The following SLC12A3 variants were observed in gnomAD, a reference collection of about 807,000 sequenced individuals.
SLC12A3 encodes the protein solute carrier family 12 member 3.
In SLC12A3, 104 loss-of-function variants were observed where a neutral mutation model predicts 121.0. The ratio of observed to expected loss-of-function variants is 0.86; its 90% confidence interval spans 0.73 to 1.01. The LOEUF (loss-of-function observed/expected upper bound fraction) is 1.01, where lower values mean the gene tolerates loss of function less well. Among genes scored for constraint, SLC12A3 ranks in the 50% least tolerant of loss-of-function variants. The pLI, the probability that SLC12A3 is intolerant of heterozygous loss-of-function variation, is 0.00. For synonymous variants in SLC12A3, 536 were observed against 533.4 expected (o/e 1.00, Z -0.07); for missense variants, 1,328 against 1,356.3 (o/e 0.98, Z 0.33).
intron 17 of SLC12A3, 127 bp from the exon 18 acceptor site, chr16:56,887,798 A>ATATATATATATATATATATATATT: frequency 1.5e-5 from 1 of 68,432 alleles, no homozygotes; most frequent in Non-Finnish European, 2.9e-5. Flanking sequence ...ATATATATAT[A>ATATATATATATATATATATATATT]TTTTTTTTTT....
At chr16:56,912,634 G>C (rs3794648) in intron 25 of SLC12A3, among the ~76,000 whole-genome samples, 88,423 of 152,112 alleles carry the variant, frequency 0.58, 26,260 homozygotes, top group African/African-American at 0.68. Context: ...GTATCAGACT[G>C]TGTTCTAGGC....
Position 56,869,756 on chromosome 16 carries a change from C to T in SLC12A3, c.533C>T (p.Ser178Leu), listed in dbSNP as rs772589653. ...IVLTWIIILL[S>L]VTVTSITGLS... ...CTGACCTGGATCATCATCCTGCTGTCGGTCACGGTGACCTCCATCACAGGC... is the reference window on the plus strand; with the variant it reads ...CTGACCTGGATCATCATCCTGCTGTTGGTCACGGTGACCTCCATCACAGGC... Residue 178 changes from serine to leucine, a missense_variant, in exon 4 of 26, where the codon TCG (serine) becomes TTG (leucine). Physicochemically the swap from Ser to Leu is moderately radical, Grantham distance 145. Coordinates refer to ENST00000563236, the MANE Select transcript of SLC12A3 (RefSeq NM_001126108.2). 23 of 1,614,042 alleles carry T rather than the reference C, an allele frequency of 1.4e-5. No individual in the cohort carries two copies. Among genetic ancestry groups the T allele is most frequent in the East Asian group, 4.5e-5 (2 of 44,890 alleles).
intron 15 of SLC12A3, among the ~76,000 whole-genome samples, chr16:56,885,916 G>A (rs112682668): frequency 1.3e-5 from 2 of 152,312 alleles, no homozygotes; most frequent in African/African-American, 4.8e-5. Context: ...CTGGCCCCAG[G>A]TCACACAGCT....
chr16:56,901,475 G>A (rs2055538156), intron 23 of SLC12A3, among the ~76,000 whole-genome samples: 1 of 151,988 alleles, frequency 6.6e-6, no homozygotes. Context: ...GAGTAGCTGG[G>A]ATTACAGGTG....
At chr16:56,873,715 T>TA (rs2055132464) in intron 8 of SLC12A3, among the ~76,000 whole-genome samples, 1 of 148,030 alleles carries the variant, frequency 6.8e-6, no homozygotes, top group Non-Finnish European at 1.5e-5. Flanking sequence ...TTTATTTTTT[T>TA]TTTTTTGAGA....
At position 56,904,456 on chromosome 16, in the gene SLC12A3, T is replaced by TC. The variant is rs2055580863; in HGVS notation, c.2919dup (p.Val974ArgfsTer65). On this transcript the variant is annotated frameshift_variant, in exon 25 of 26. Coordinates refer to ENST00000563236, the MANE Select transcript of SLC12A3 (RefSeq NM_001126108.2). LOFTEE classifies it high-confidence loss of function. ...GATTACTCCCGAGACGCTGCTCTCA[T>TC]CGTCATGTAAGTAGTGCCCGGCTGG... 1 of 1,613,652 alleles carries TC rather than the reference T, an allele frequency of 6.2e-7. No individual in the cohort carries two copies. Among genetic ancestry groups the TC allele is most frequent in the African/African-American group, 1.3e-5 (1 of 74,914 alleles).
chr16:56,884,055 G>A lies in SLC12A3; in HGVS notation c.1676G>A (p.Arg559Lys). 1 of 1,614,200 alleles carries A rather than the reference G, an allele frequency of 6.2e-7. No homozygotes were observed. The highest frequency in any genetic ancestry group is 8.5e-7 in the Non-Finnish European group (1 of 1,180,020). The change falls in exon 14 of 26, where the codon AGA becomes AAA. Residue 559 changes from arginine to lysine, a missense_variant. Coordinates refer to ENST00000563236, the MANE Select transcript of SLC12A3 (RefSeq NM_001126108.2). ...HASITNSPGW[R>K]PSFQYYNKWA... Reference sequence around the variant, plus strand: ...ACTGGTGCCCTTGGCCCAGGGTGGAGACCTTCATTCCAATACTACAACAAG... The same window carrying A: ...ACTGGTGCCCTTGGCCCAGGGTGGAAACCTTCATTCCAATACTACAACAAG...
intron 25 of SLC12A3, among the ~76,000 whole-genome samples, chr16:56,905,484 A>G (rs1157658387): frequency 6.6e-6 from 1 of 152,110 alleles, no homozygotes; most frequent in Non-Finnish European, 1.5e-5. Flanking sequence ...GGAATCAGAC[A>G]GAAGGGATCT....
chr16:56,889,263 A>C (rs2055358367), intron 18 of SLC12A3, among the ~76,000 whole-genome samples: 1 of 152,130 alleles, frequency 6.6e-6, no homozygotes. Flanking sequence ...AGAATACCTG[A>C]TCTCCAGCCT....
chr16:56,904,464 T>G lies in SLC12A3; in HGVS notation c.2924+2T>G. Reference sequence around the variant, plus strand: ...CCGAGACGCTGCTCTCATCGTCATGTAAGTAGTGCCCGGCTGGTGGGAGGA... The same window carrying G: ...CCGAGACGCTGCTCTCATCGTCATGGAAGTAGTGCCCGGCTGGTGGGAGGA... On this transcript the variant is annotated splice_donor_variant, in intron 25 of 25. Transcript: ENST00000563236. LOFTEE classifies it high-confidence loss of function. The G allele has an allele frequency of 6.2e-7, 1 of 1,613,578 alleles. No homozygotes were observed. Among genetic ancestry groups the G allele is most frequent in the Non-Finnish European group, 8.5e-7 (1 of 1,179,578 alleles).
rs547061333 is a variant in SLC12A3, at chr16:56,869,671, C to A, written c.506-58C>A. On this transcript the variant is annotated intron_variant, in intron 3 of 25. Transcript: ENST00000563236. ...GTAGGTCGCATGGTGAATGAGTAGG[C>A]AAACTGGGGCTCCTCCCTTGGGAAA... 1,702 of 1,421,624 alleles carry A rather than the reference C, an allele frequency of 1.2e-3. 26 individuals carry two copies. In the South Asian group the frequency reaches 0.015, roughly 13 times the overall value. The allele number at this position is 1,421,624 out of a possible 1,614,324, so 88.1% of individuals were successfully genotyped here.
At position 56,867,173 on chromosome 16, in the gene SLC12A3, A is replaced by G. The variant is rs995020868; in HGVS notation, c.386A>G (p.Asn129Ser). 1.4e-5 allele frequency: 22 copies of G among 1,613,322 alleles called. No homozygotes were observed. Among genetic ancestry groups the G allele is most frequent in the Non-Finnish European group, 1.8e-5 (21 of 1,179,888 alleles). The change falls in exon 2 of 26, where the codon AAC becomes AGC. Residue 129 changes from asparagine to serine, a missense_variant. Asn to Ser is a conservative substitution (Grantham distance 46). Transcript: ENST00000563236. ...EGEAGTSSEK[N>S]PEEPVRFGWV... is the part of the protein sequence containing the mutation. The stretch of plus-strand genomic sequence containing the variant: ...GAGGCAGGCACCAGCAGCGAGAAGA[A>G]CCCCGAGGAGCCAGTGCGCTTCGGC...
chr16:56,873,868 C>T (rs1403930461), intron 8 of SLC12A3, among the ~76,000 whole-genome samples: 5 of 151,530 alleles, frequency 3.3e-5, no homozygotes, highest in Non-Finnish European at 7.4e-5. Context: ...CCTGCCACCA[C>T]GCCTAACTAA....
chr16:56,869,195 G>A (rs1964431745), intron 3 of SLC12A3, among the ~76,000 whole-genome samples: 1 of 152,186 alleles, frequency 6.6e-6, no homozygotes. Flanking sequence ...GCTCCCAGAG[G>A]TGATCACGGA....
At position 56,892,096 on chromosome 16, in the gene SLC12A3, T is replaced by A. The variant is rs767116371; in HGVS notation, c.2382T>A (p.Phe794Leu). 2.2e-5 allele frequency: 35 copies of A among 1,613,766 alleles called. No homozygotes were observed. Among genetic ancestry groups the A allele is most frequent in the Non-Finnish European group, 1.1e-5 (13 of 1,179,708 alleles). Reference sequence around the variant, plus strand: ...CTTCTTTTGCAGTTAACCCCGTGTTTGACCCAGCGGAGGACGGGAAGGAAG... The same window carrying A: ...CTTCTTTTGCAGTTAACCCCGTGTTAGACCCAGCGGAGGACGGGAAGGAAG... ...KMMQAHINPV[F>L]DPAEDGKEAS... The change falls in exon 20 of 26, where the codon TTT becomes TTA. Residue 794 changes from phenylalanine to leucine, a missense_variant. By Grantham distance (22) the Phe-to-Leu change is conservative. Transcript: ENST00000563236.
chr16:56,878,033 T>TCTCTCCCTCCCTCCCTCCCTCCCC, intron 8 of SLC12A3, 44 bp from the exon 9 acceptor site: 3 of 506,048 alleles, frequency 5.9e-6, no homozygotes, highest in Non-Finnish European at 7.5e-6. Flanking sequence ...CCTCCCTCCC[T>TCTCTCCCTCCCTCCCTCCCTCCCC]CTCTCCCTCC....
intron 8 of SLC12A3, 75 bp from the exon 9 acceptor site, chr16:56,878,002 G>C (rs1483016895): frequency 1.3e-6 from 1 of 771,648 alleles, no homozygotes; most frequent in African/African-American, 2.4e-5. Flanking sequence ...GAGGCCCAGG[G>C]GCTGCCTAAT....
At chr16:56,904,548 G>A (rs530522218) in intron 25 of SLC12A3, 86 bp downstream of exon 25, 71 of 1,300,268 alleles carry the variant, frequency 5.5e-5, no homozygotes, top group Middle Eastern at 2.0e-4. Context: ...GGGGCACCAC[G>A]GAGGGCCCAA....
chr16:56,865,732 G>C (rs1276515455), intron 1 of SLC12A3, among the ~76,000 whole-genome samples: 1 of 152,230 alleles, frequency 6.6e-6, no homozygotes, highest in East Asian at 1.9e-4. Context: ...CAAAGCTAGA[G>C]TGGGAGGCCT....
Sources: gnomAD v4.1 joint callset for allele counts (sites outside exome capture counted in the v4.1 genomes callset) on GRCh38, gnomAD v4.1.1 for gene constraint, MANE v1.5 for transcripts, NCBI Gene and HGNC (gene_info 2026-07-23, HGNC 2026-07-21) for gene names.